The following SLC25A13 variants were observed in gnomAD, a reference collection of about 807,000 sequenced individuals.
SLC25A13 encodes electrogenic aspartate/glutamate antiporter SLC25A13, mitochondrial.
In SLC25A13, 70 loss-of-function variants were observed where a neutral mutation model predicts 85.5. The observed-to-expected ratio is 0.82, with a 90% CI of 0.68 to 1.00. SLC25A13 has a LOEUF of 1.00. SLC25A13 is among the 50% of genes least tolerant of loss of function. The probability of loss-of-function intolerance (pLI) is 0.00; values close to 1 mark genes in which losing one functional copy is unlikely to be tolerated. For synonymous variants in SLC25A13, 259 were observed against 288.7 expected, an observed-to-expected ratio of 0.90 and a Z score of 1.04; for missense variants, 765 against 819.8, an observed-to-expected ratio of 0.93 and a Z score of 0.82.
At chr7:96,174,971 T>C (rs1481823652) in intron 11 of SLC25A13, among the ~76,000 whole-genome samples, 1 of 152,204 alleles carries the variant, frequency 6.6e-6, no homozygotes, top group African/African-American at 2.4e-5. Context: ...ACAGTGAGAC[T>C]GGTGCCTCCC....
Position 96,290,960 on chromosome 7 carries a change from A to G in SLC25A13, c.69+5938T>C, listed in dbSNP as rs1051451922. Among the ~76,000 whole-genome samples, 8 of 152,324 alleles carry G rather than the reference A, an allele frequency of 5.3e-5. No homozygotes were observed. The South Asian group carries it at 8.3e-4, about 16-fold the overall frequency. On this transcript the variant is annotated intron_variant, in intron 2 of 17. Transcript: ENST00000265631. ...GACATCTACAGAACTCTCTACCCCA[A>G]ATCAACAGAATATACATTCTTCTCA...
intron 3 of SLC25A13, among the ~76,000 whole-genome samples, chr7:96,260,220 G>T (rs962183224): frequency 4.6e-5 from 7 of 151,800 alleles, no homozygotes; most frequent in African/African-American, 1.4e-4. Context: ...TAAAAAAGGG[G>T]GAGATTCAAG....
chr7:96,121,221 A>G lies in SLC25A13; in HGVS notation c.1998T>C (p.Ser666=). Residue 666 remains serine (S), a synonymous_variant, in exon 18 of 18, where the codon TCT becomes TCC. Coordinates refer to ENST00000265631, the MANE Select transcript of SLC25A13 (RefSeq NM_014251.3). ...LYLPLFKPSV[S]TSKAIGGGP ...GGCCTCCACCAATAGCCTTTGAGGT[A>G]GATACTGATGGCTTGAAGAGAGGTA... The G allele has an allele frequency of 6.2e-7, 1 of 1,614,188 alleles. No individual in the cohort carries two copies. The highest frequency in any genetic ancestry group is 8.5e-7 in the Non-Finnish European group (1 of 1,180,020).
intron 9 of SLC25A13, among the ~76,000 whole-genome samples, chr7:96,185,339 T>C (rs906451813): frequency 6.6e-6 from 1 of 152,164 alleles, no homozygotes. Context: ...GGCTCACGCC[T>C]GTAATCCCAG....
intron 1 of SLC25A13, among the ~76,000 whole-genome samples, chr7:96,305,437 T>C (rs1281800051): frequency 1.3e-5 from 2 of 152,224 alleles, no homozygotes; most frequent in East Asian, 3.8e-4. Flanking sequence ...TATTCTCCAG[T>C]ATTTTATGCT....
At chr7:96,318,465 C>T (rs2117041983) in intron 1 of SLC25A13, among the ~76,000 whole-genome samples, 1 of 152,246 alleles carries the variant, frequency 6.6e-6, no homozygotes, top group Admixed American at 6.5e-5. Context: ...AGGGAACCCA[C>T]AAGGATTATT....
chr7:96,232,990 T>A (rs1796612282), intron 4 of SLC25A13, among the ~76,000 whole-genome samples: 1 of 152,226 alleles, frequency 6.6e-6, no homozygotes, highest in South Asian at 2.1e-4. Flanking sequence ...TGCCCTGCAA[T>A]GGTGGAAGTC....
chr7:96,283,517 A>G, intron 2 of SLC25A13: 1 of 387,884 alleles, frequency 2.6e-6, no homozygotes, highest in Non-Finnish European at 5.1e-6. Context: ...GGAATGCTTT[A>G]CAAGTGTTAC....
chr7:96,242,445 C>A (rs978239931), intron 3 of SLC25A13, among the ~76,000 whole-genome samples: 3 of 152,192 alleles, frequency 2.0e-5, no homozygotes, highest in Admixed American at 1.3e-4. Flanking sequence ...AATTCTAAGA[C>A]CCCTTGATGG....
At chr7:96,312,508 C>G (rs1799987449) in intron 1 of SLC25A13, among the ~76,000 whole-genome samples, 1 of 152,090 alleles carries the variant, frequency 6.6e-6, no homozygotes, top group African/African-American at 2.4e-5. Context: ...TTATAAAGAT[C>G]AAATAATGAA....
chr7:96,306,589 G>A (rs1799751801), intron 1 of SLC25A13, among the ~76,000 whole-genome samples: 1 of 151,258 alleles, frequency 6.6e-6, no homozygotes, highest in African/African-American at 2.4e-5. Flanking sequence ...TTGGGCCTAT[G>A]TGGCCAGACT....
chr7:96,302,032 T>C (rs990366562), intron 1 of SLC25A13, among the ~76,000 whole-genome samples: 15 of 152,216 alleles, frequency 9.9e-5, no homozygotes, highest in African/African-American at 2.7e-4. Context: ...TTCAGGTCGA[T>C]TCAATGAGTC....
chr7:96,243,472 C>G (rs567826850), intron 3 of SLC25A13, among the ~76,000 whole-genome samples: 1 of 152,076 alleles, frequency 6.6e-6, no homozygotes, highest in Non-Finnish European at 1.5e-5. Context: ...AATAGAGCAA[C>G]GCCTTGGAAT....
chr7:96,166,740 C>T (rs1793764241), intron 13 of SLC25A13, among the ~76,000 whole-genome samples: 1 of 151,952 alleles, frequency 6.6e-6, no homozygotes, highest in African/African-American at 2.4e-5. Context: ...AGAGGTAATA[C>T]ATCAATTTTC....
intron 4 of SLC25A13, among the ~76,000 whole-genome samples, chr7:96,217,718 G>C (rs763589176): frequency 6.6e-6 from 1 of 152,092 alleles, no homozygotes; most frequent in Non-Finnish European, 1.5e-5. Flanking sequence ...AACTGCCAGG[G>C]GATGGAGGGA....
chr7:96,237,233 C>A (rs1796778109), intron 3 of SLC25A13, among the ~76,000 whole-genome samples: 2 of 152,210 alleles, frequency 1.3e-5, no homozygotes, highest in Admixed American at 1.3e-4. Flanking sequence ...CTGCAAAAAA[C>A]TGGTGCTTTG....
intron 1 of SLC25A13, among the ~76,000 whole-genome samples, chr7:96,297,339 C>CTT (rs953150903): frequency 6.8e-6 from 1 of 146,644 alleles, no homozygotes. Context: ...GAACATATTT[C>CTT]TTTTTTTTTT....
intron 1 of SLC25A13, among the ~76,000 whole-genome samples, chr7:96,318,484 C>T (rs971968153): frequency 6.6e-6 from 1 of 152,116 alleles, no homozygotes; most frequent in African/African-American, 2.4e-5. Context: ...TTCCTACAAA[C>T]GTAGGCAGCA....
rs758869151 is a variant in SLC25A13 at position 96,208,822 on chromosome 7, T to G, written c.468+16A>C. On this transcript the variant is annotated intron_variant, in intron 5 of 17. Coordinates refer to ENST00000265631, the MANE Select transcript of SLC25A13 (RefSeq NM_014251.3). ...GCCCGGCCATACCCTTTTAACTTTT[T>G]AAGAGCTAGACCCACCAATAAAAAC... 1 of 1,613,762 alleles carries G rather than the reference T, an allele frequency of 6.2e-7. No individual in the cohort carries two copies. The highest frequency in any genetic ancestry group is 8.5e-7 in the Non-Finnish European group (1 of 1,179,818).
Sources: allele counts gnomAD v4.1 joint callset (sites outside exome capture counted in the v4.1 genomes callset), GRCh38; gene constraint gnomAD v4.1.1; transcripts MANE v1.5; gene names NCBI Gene and HGNC (gene_info 2026-07-23, HGNC 2026-07-21).